The following ZNF385D variants were observed in gnomAD, a reference collection of about 807,000 sequenced individuals.
ZNF385D encodes the protein zinc finger protein 385D.
ZNF385D carries 15 observed loss-of-function variants against 35.8 expected under a neutral mutation model. The ratio of observed to expected loss-of-function variants is 0.42; its 90% CI spans 0.28 to 0.64. The LOEUF is 0.64. ZNF385D is among the 30% of genes least tolerant of loss of function. The pLI is 0.23. For missense variants in ZNF385D, 474 were observed against 494.6 expected (o/e 0.96, Z 0.39); for synonymous variants, 212 against 186.8 (o/e 1.13, Z -1.10).
At chr3:21,761,052 C>T (rs1200694039) in intron 3 of ZNF385D, among the ~76,000 whole-genome samples, 1 of 152,094 alleles carries the variant, frequency 6.6e-6, no homozygotes, top group Non-Finnish European at 1.5e-5. Flanking sequence ...TAGCCACCTG[C>T]CATGCTATGA....
intron 3 of ZNF385D, among the ~76,000 whole-genome samples, chr3:22,049,660 A>G (rs939687537): frequency 1.3e-5 from 2 of 152,184 alleles, no homozygotes; most frequent in Non-Finnish European, 2.9e-5. Flanking sequence ...CTTATCATAT[A>G]TGGCCTTTAT....
intron 3 of ZNF385D, among the ~76,000 whole-genome samples, chr3:21,550,738 C>A (rs534546714): frequency 6.6e-6 from 1 of 152,302 alleles, no homozygotes; most frequent in East Asian, 1.9e-4. Context: ...GCCCCTGCCT[C>A]CCAAAGTGCT....
At chr3:21,477,625 C>T (rs530228856) in intron 4 of ZNF385D, among the ~76,000 whole-genome samples, 3 of 152,118 alleles carry the variant, frequency 2.0e-5, no homozygotes, top group African/African-American at 4.8e-5. Context: ...TGTCTACCCA[C>T]ACTTGCTGGT....
At chr3:22,031,049 C>G (rs1378784503) in intron 3 of ZNF385D, among the ~76,000 whole-genome samples, 4 of 152,212 alleles carry the variant, frequency 2.6e-5, no homozygotes. Flanking sequence ...CCAGGACATC[C>G]TGATACAAGG....
At position 21,670,087 on chromosome 3, in the gene ZNF385D, GC is replaced by G. The variant is rs1211937371; in HGVS notation, c.23-5060del. Among the ~76,000 whole-genome samples the G allele has an allele frequency of 4.6e-5, 7 of 152,004 alleles. No homozygotes were observed. The East Asian group carries it at 1.3e-3, about 29-fold the overall frequency. ...CTGAAGTTCAAAATGATCACGGATTGCCACTGTTAAATATTCATGCCAATGG... is the reference window on the plus strand; with the variant it reads ...CTGAAGTTCAAAATGATCACGGATTGCACTGTTAAATATTCATGCCAATGG... On this transcript the variant is annotated intron_variant, in intron 1 of 7. Coordinates refer to ENST00000281523, the MANE Select transcript of ZNF385D (RefSeq NM_024697.3).
At chr3:21,732,930 C>G (rs2069084260) in intron 1 of ZNF385D, among the ~76,000 whole-genome samples, 1 of 152,162 alleles carries the variant, frequency 6.6e-6, no homozygotes, top group Non-Finnish European at 1.5e-5. Context: ...TTTCGTGGAT[C>G]ATGGCTTGGC....
intron 3 of ZNF385D, among the ~76,000 whole-genome samples, chr3:21,840,546 C>A (rs1695600807): frequency 6.9e-6 from 1 of 144,084 alleles, no homozygotes; most frequent in Admixed American, 6.9e-5. Context: ...GCTTTATGGG[C>A]AACTGGGAAT....
At chr3:22,119,075 C>T (rs1702952124) in intron 3 of ZNF385D, among the ~76,000 whole-genome samples, 1 of 151,958 alleles carries the variant, frequency 6.6e-6, no homozygotes, top group South Asian at 2.1e-4. Flanking sequence ...GAATCAAGTC[C>T]AGATTAACTG....
In ZNF385D at chr3:21,771,032, T is replaced by C. The variant is rs779920821; in HGVS notation, c.326-106004A>G. Reference sequence around the variant, plus strand: ...ACATGTTCTCACTCATAGGTGGGAATTGAACAATGAAAACACTTGGACACA... The same window carrying C: ...ACATGTTCTCACTCATAGGTGGGAACTGAACAATGAAAACACTTGGACACA... On this transcript the variant is annotated intron_variant, in intron 3 of 5. Coordinates refer to the ZNF385D transcript ENST00000494108. Among the ~76,000 whole-genome samples the C allele has an allele frequency of 1.3e-4, 18 of 139,036 alleles. No individual in the cohort carries two copies. In the East Asian group the frequency reaches 1.5e-3, roughly 11 times the overall value. 91.2% of individuals were successfully genotyped at this position (139,036 alleles called of 152,430 possible).
chr3:21,687,643 C>T (rs922106460), intron 1 of ZNF385D, among the ~76,000 whole-genome samples: 1 of 151,990 alleles, frequency 6.6e-6, no homozygotes, highest in African/African-American at 2.4e-5. Flanking sequence ...TTGTACATTC[C>T]CTGGGTTTGG....
chr3:21,636,835 A>G lies in ZNF385D; in HGVS notation c.165+28051T>C, dbSNP rs115110821. Among the ~76,000 whole-genome samples, 1,348 of 152,114 alleles carry G rather than the reference A, an allele frequency of 8.9e-3. 26 individuals carry two copies. The highest frequency in any genetic ancestry group is 0.032 in the African/African-American group (1,313 of 41,514). ...GTATTGCATTGTGGTTTTGATTTGCATCTTCCTGATCATTAGTGATGTTGA... is the reference window on the plus strand; with the variant it reads ...GTATTGCATTGTGGTTTTGATTTGCGTCTTCCTGATCATTAGTGATGTTGA... On this transcript the variant is annotated intron_variant, in intron 2 of 7. Coordinates refer to ENST00000281523, the MANE Select transcript of ZNF385D (RefSeq NM_024697.3).
intron 3 of ZNF385D, among the ~76,000 whole-genome samples, chr3:22,078,716 G>A (rs575505564): frequency 6.6e-6 from 1 of 152,028 alleles, no homozygotes; most frequent in Non-Finnish European, 1.5e-5. Flanking sequence ...TCAGGAATCT[G>A]TATCATAAGT....
rs975326755 is a variant in ZNF385D, at chr3:21,581,739, T to C, written c.166-17055A>G. On this transcript the variant is annotated intron_variant, in intron 2 of 7. Coordinates refer to ENST00000281523, the MANE Select transcript of ZNF385D (RefSeq NM_024697.3). ...ATATCCAAAATAAAAACTGCATGTT[T>C]ATAAAGTAAAATTAATAATCTAGCT... 3.9e-5 allele frequency among the ~76,000 whole-genome samples: 6 copies of C among 152,186 alleles called. No individual in the cohort carries two copies. In the East Asian group the frequency reaches 9.6e-4, roughly 24 times the overall value.
At position 21,641,751 on chromosome 3, in the gene ZNF385D, C is replaced by A. The variant is rs1049842446; in HGVS notation, c.165+23135G>T. On this transcript the variant is annotated intron_variant, in intron 2 of 7. Coordinates refer to ENST00000281523, the MANE Select transcript of ZNF385D (RefSeq NM_024697.3). ...TTGGCCTCCCAAAGTGCTGTTGATA[C>A]AGGAGAGACAAAGAAATTATTTAGA... Among the ~76,000 whole-genome samples, 7 of 150,262 alleles carry A rather than the reference C, an allele frequency of 4.7e-5. No individual in the cohort carries two copies. The East Asian group carries it at 1.2e-3, about 26-fold the overall frequency.
chr3:21,610,925 G>C (rs1360480606), intron 2 of ZNF385D, among the ~76,000 whole-genome samples: 1 of 152,164 alleles, frequency 6.6e-6, no homozygotes, highest in African/African-American at 2.4e-5. Flanking sequence ...GGAAAGAATG[G>C]GTTTCTTCGC....
intron 3 of ZNF385D, among the ~76,000 whole-genome samples, chr3:21,525,074 TA>T (rs1306257186): frequency 2.0e-5 from 3 of 152,212 alleles, no homozygotes; most frequent in Non-Finnish European, 2.9e-5. Context: ...GTCCATTCAG[TA>T]AATCATGTAT....
intron 2 of ZNF385D, among the ~76,000 whole-genome samples, chr3:22,241,420 C>A (rs1250927132): frequency 2.6e-5 from 4 of 151,184 alleles, no homozygotes; most frequent in African/African-American, 7.3e-5. Context: ...CTCTGTTCAC[C>A]TTTACCTGTA....
chr3:21,589,297 G>A (rs1213032223), intron 2 of ZNF385D, among the ~76,000 whole-genome samples: 3 of 152,166 alleles, frequency 2.0e-5, no homozygotes, highest in African/African-American at 4.8e-5. Context: ...CCCTGCAGTC[G>A]GAGTTTACCT....
At chr3:21,599,591 CAG>C (rs1361672239) in intron 2 of ZNF385D, among the ~76,000 whole-genome samples, 1 of 152,098 alleles carries the variant, frequency 6.6e-6, no homozygotes, top group Non-Finnish European at 1.5e-5. Flanking sequence ...TCCTGTTTAA[CAG>C]ATGAGGAAAA....
Sources: allele counts gnomAD v4.1 joint callset (sites outside exome capture counted in the v4.1 genomes callset), GRCh38; gene constraint gnomAD v4.1.1; transcripts MANE v1.5; gene names NCBI Gene and HGNC (gene_info 2026-07-23, HGNC 2026-07-21).